Variants in NPFFR2 observed in about 807,000 individuals in gnomAD.
NPFFR2 encodes neuropeptide FF receptor 2.
In NPFFR2, 15 loss-of-function variants were observed where a neutral mutation model predicts 13.1. The ratio of observed to expected loss-of-function variants is 1.15; its 90% CI spans 0.77 to 1.76. The LOEUF (loss-of-function observed/expected upper bound fraction) is 1.76, where lower values mean the gene tolerates loss of function less well. Ranked by LOEUF, NPFFR2 falls within the 40% of genes most tolerant of loss-of-function variation. NPFFR2 has a pLI of 0.00. For synonymous variants in NPFFR2, 190 were observed against 175.7 expected (o/e 1.08, Z -0.65); for missense variants, 572 against 503.5 (o/e 1.14, Z -1.30).
chr4:72,056,124 G>A (rs1719737428), intron 1 of NPFFR2, among the ~76,000 whole-genome samples: 1 of 151,980 alleles, frequency 6.6e-6, no homozygotes, highest in Non-Finnish European at 1.5e-5. Flanking sequence ...ACCTTCTATT[G>A]GAAGAAGATG....
At chr4:72,040,943 T>TATA (rs1553887463) in intron 1 of NPFFR2, among the ~76,000 whole-genome samples, 1 of 149,808 alleles carries the variant, frequency 6.7e-6, no homozygotes, top group African/African-American at 2.4e-5. Context: ...TATATATATA[T>TATA]TCATTTTAAT....
intron 1 of NPFFR2, among the ~76,000 whole-genome samples, chr4:72,075,978 C>T (rs1317911094): frequency 8.2e-5 from 1 of 12,186 alleles, no homozygotes; most frequent in African/African-American, 9.8e-5. Context: ...CACACACATA[C>T]ACACACACAC....
intron 1 of NPFFR2, among the ~76,000 whole-genome samples, chr4:72,052,362 A>T (rs2109766294): frequency 7.2e-6 from 1 of 139,358 alleles, no homozygotes; most frequent in South Asian, 2.5e-4. Flanking sequence ...AATAAATGTA[A>T]TCCAGCATAT....
chr4:72,046,412 C>G (rs1021582557), intron 1 of NPFFR2, among the ~76,000 whole-genome samples: 1 of 152,072 alleles, frequency 6.6e-6, no homozygotes, highest in East Asian at 1.9e-4. Flanking sequence ...TAAGCCCAGC[C>G]GCCTTTTGTT....
chr4:72,080,414 C>T (rs184681440), intron 1 of NPFFR2, among the ~76,000 whole-genome samples: 10 of 152,158 alleles, frequency 6.6e-5, no homozygotes, highest in East Asian at 1.9e-4. Flanking sequence ...CTGCCTGCCT[C>T]GGCCTCCCAA....
At chr4:72,055,324 G>C (rs956244924) in intron 1 of NPFFR2, among the ~76,000 whole-genome samples, 10 of 151,792 alleles carry the variant, frequency 6.6e-5, no homozygotes, top group Admixed American at 6.6e-4. Flanking sequence ...TTGAAATATT[G>C]CATCTGTGAA....
chr4:72,128,541 T>C (rs375838374), intron 1 of NPFFR2, 44 bp from the exon 2 acceptor site: 2 of 1,222,586 alleles, frequency 1.6e-6, no homozygotes, highest in African/African-American at 1.5e-5. Context: ...TATGCTTTAC[T>C]GGTTCCTAAT....
Position 72,147,434 on chromosome 4 carries a change from G to T in NPFFR2, c.885G>T (p.Met295Ile), listed in dbSNP as rs1341684322. ...GGCTGCCCCTGTGGACTCTAATGAT[G>T]CTCTCAGACTACGCTGACCTTTCTC... ...LSWLPLWTLM[M>I]LSDYADLSPN... Residue 295 changes from methionine (M) to isoleucine (I), a missense_variant, in exon 4 of 4, where the codon ATG (methionine) becomes ATT (isoleucine). Transcript: ENST00000308744. The T allele has an allele frequency of 6.2e-7, 1 of 1,613,968 alleles. No individual in the cohort carries two copies. Among genetic ancestry groups the T allele is most frequent in the East Asian group, 2.2e-5 (1 of 44,894 alleles).
rs773444312 is a variant in NPFFR2, at chr4:72,128,802, A to G, written c.211A>G (p.Met71Val). 5.0e-6 allele frequency: 8 copies of G among 1,614,070 alleles called. No homozygotes were observed. Among genetic ancestry groups the G allele is most frequent in the South Asian group, 4.4e-5 (4 of 91,074 alleles). ...AAATACTGTGGTTTGCTTTATTGTA[A>G]TGAGGAACAAACATATGCACACAGT... ...MGNTVVCFIV[M>V]RNKHMHTVTN... The change falls in exon 2 of 4, where the codon ATG (methionine) becomes GTG (valine). Residue 71 changes from methionine (M) to valine (V), a missense_variant. Physicochemically the swap from Met to Val is conservative, Grantham distance 21. Coordinates refer to ENST00000308744, the MANE Select transcript of NPFFR2 (RefSeq NM_004885.3).
intron 1 of NPFFR2, among the ~76,000 whole-genome samples, chr4:72,110,354 CT>C (rs1269702621): frequency 6.6e-6 from 1 of 151,970 alleles, no homozygotes; most frequent in Non-Finnish European, 1.5e-5. Flanking sequence ...AACCTCTTTC[CT>C]TTATAAATTA....
chr4:72,139,865 C>T (rs142812886), intron 3 of NPFFR2, among the ~76,000 whole-genome samples: 5,444 of 152,186 alleles, frequency 0.036, 325 homozygotes, highest in African/African-American at 0.12. Flanking sequence ...GTCATTTTCA[C>T]GATATTGATT....
chr4:72,053,298 G>T (rs1394592636), intron 1 of NPFFR2, among the ~76,000 whole-genome samples: 1 of 151,802 alleles, frequency 6.6e-6, no homozygotes, highest in Non-Finnish European at 1.5e-5. Context: ...AGGCTATGTG[G>T]AGAACAAAGT....
chr4:72,054,683 G>A (rs4560375), intron 1 of NPFFR2, among the ~76,000 whole-genome samples: 135,389 of 151,866 alleles, frequency 0.89, 61,451 homozygotes, highest in Non-Finnish European at 0.98. Context: ...AGACACAGTT[G>A]AGAAAACAAA....
At chr4:72,129,941 T>A (rs1722181942) in intron 2 of NPFFR2, among the ~76,000 whole-genome samples, 1 of 98,658 alleles carries the variant, frequency 1.0e-5, no homozygotes, top group Non-Finnish European at 2.0e-5. Context: ...GGAGTGGTGA[T>A]GACTCTTAAG....
intron 1 of NPFFR2, among the ~76,000 whole-genome samples, chr4:72,083,206 C>A (rs1171837303): frequency 1.3e-5 from 2 of 152,008 alleles, no homozygotes; most frequent in African/African-American, 4.8e-5. Flanking sequence ...ACTCTATACC[C>A]ATAAGTGGAA....
chr4:72,062,307 C>T (rs1237809338), intron 1 of NPFFR2, among the ~76,000 whole-genome samples: 2 of 152,010 alleles, frequency 1.3e-5, no homozygotes, highest in Non-Finnish European at 2.9e-5. Flanking sequence ...TTTTACTCTT[C>T]TTGGTAGGAT....
intron 1 of NPFFR2, among the ~76,000 whole-genome samples, chr4:72,127,803 C>T (rs374525656): frequency 1.1e-4 from 17 of 151,936 alleles, no homozygotes; most frequent in Admixed American, 4.6e-4. Flanking sequence ...ATTCAGGCCA[C>T]GCACGGTGGC....
chr4:72,088,329 C>T (rs1387416412), intron 1 of NPFFR2, among the ~76,000 whole-genome samples: 1 of 151,882 alleles, frequency 6.6e-6, no homozygotes, highest in East Asian at 1.9e-4. Context: ...CTGAGTGTCT[C>T]TAACATATTG....
At chr4:72,113,040 G>A (rs778657395) in intron 1 of NPFFR2, among the ~76,000 whole-genome samples, 1 of 152,036 alleles carries the variant, frequency 6.6e-6, no homozygotes, top group African/African-American at 2.4e-5. Context: ...GTATTTTTAT[G>A]TAAAACATTT....
Sources: gnomAD v4.1 joint callset for allele counts (sites outside exome capture counted in the v4.1 genomes callset) on GRCh38, gnomAD v4.1.1 for gene constraint, MANE v1.5 for transcripts, NCBI Gene and HGNC (gene_info 2026-07-23, HGNC 2026-07-21) for gene names.